KRTAP21-2: variants seen among roughly 807,000 people sequenced by gnomAD.
The protein encoded by KRTAP21-2 is keratin-associated protein 21-2.
For missense variants in KRTAP21-2, 103 were observed against 101.2 expected (o/e 1.02, Z -0.08); for synonymous variants, 38 against 38.6 (o/e 0.98, Z 0.06).
At position 30,746,979 on chromosome 21, in the gene KRTAP21-2, T is replaced by C. The variant is rs1447091858; in HGVS notation, c.224A>G (p.Tyr75Cys). The change falls in exon 1 of 1, where the codon TAC (tyrosine) becomes TGC (cysteine). Residue 75 changes from tyrosine (Y) to cysteine (C), a missense_variant. Tyr to Cys is a radical substitution (Grantham distance 194). Transcript: ENST00000333892. Reference protein sequence around the residue: ...SSCCGYRPLCYRRCYSSCY With the variant: ...SSCCGYRPLCCRRCYSSCY ...GTAGCAAGAGGAATAGCATCTTCTG[T>C]AGCAAAGTGGTCGGTAGCCACAGCA... 3 of 1,613,766 alleles carry C rather than the reference T, an allele frequency of 1.9e-6. No homozygotes were observed. The highest frequency in any genetic ancestry group is 1.3e-5 in the African/African-American group (1 of 74,882).
In KRTAP21-2 at chr21:30,747,259, T is replaced by C. The variant is rs753985310; in HGVS notation, c.-57A>G. 6.4e-7 allele frequency: 1 copy of C among 1,552,974 alleles called. No homozygotes were observed. Among genetic ancestry groups the C allele is most frequent in the Non-Finnish European group, 8.8e-7 (1 of 1,135,588 alleles). ...TAGGAGGATATTTCTGAAGTGTGACTGTCCTCTACTCTTCTAAGACCTTTA... is the reference window on the plus strand; with the variant it reads ...TAGGAGGATATTTCTGAAGTGTGACCGTCCTCTACTCTTCTAAGACCTTTA... On this transcript the variant is annotated 5_prime_UTR_variant, in exon 1 of 1. Coordinates refer to ENST00000333892, the MANE Select transcript of KRTAP21-2 (RefSeq NM_181617.3).
rs1233182705 is a variant in KRTAP21-2 at position 30,746,874 on chromosome 21, T to C, written c.*77A>G. On this transcript the variant is annotated 3_prime_UTR_variant, in exon 1 of 1. Transcript: ENST00000333892. ...GTCAACCTTTACTTAGATGTGAAGA[T>C]AATGGGTAGGGGAGATTTCAATTGA... 4 of 1,503,974 alleles carry C rather than the reference T, an allele frequency of 2.7e-6. No homozygotes were observed. The Admixed American group carries it at 5.7e-5, about 22-fold the overall frequency. 93.2% of individuals were successfully genotyped at this position (1,503,974 alleles called of 1,614,324 possible).
Position 30,746,949 on chromosome 21 carries a change from G to T in KRTAP21-2, c.*2C>A, listed in dbSNP as rs776340378. 1 of 1,611,834 alleles carries T rather than the reference G, an allele frequency of 6.2e-7. No homozygotes were observed. The highest frequency in any genetic ancestry group is 8.5e-7 in the Non-Finnish European group (1 of 1,178,296). On this transcript the variant is annotated 3_prime_UTR_variant, in exon 1 of 1. Transcript: ENST00000333892. ...AAAGCCAAGGATGACCTGTAGTGAT[G>T]ATTAGTAGCAAGAGGAATAGCATCT... is the stretch of plus-strand genomic sequence containing the variant.
rs1304005093 is a variant in KRTAP21-2 at position 30,746,826 on chromosome 21, A to G, written c.*125T>C. The G allele has an allele frequency of 9.8e-6, 11 of 1,126,946 alleles. No homozygotes were observed. Among genetic ancestry groups the G allele is most frequent in the Non-Finnish European group, 1.4e-5 (11 of 790,736 alleles). The allele number at this position is 1,126,946 out of a possible 1,614,324, so 69.8% of individuals were successfully genotyped here. On this transcript the variant is annotated 3_prime_UTR_variant, in exon 1 of 1. Transcript: ENST00000333892. The stretch of plus-strand genomic sequence containing the variant: ...ACTGCCAACAGCTTCTCTTATATGC[A>G]TTCAGATAGTCAGGTGACCATAGTC...
In KRTAP21-2 at chr21:30,747,153, GAGCCATATCCAC is replaced by G; in HGVS notation, c.38_49del (p.Cys13_Gly16del). The G allele has an allele frequency of 6.2e-7, 1 of 1,613,974 alleles. No individual in the cohort carries two copies. Among genetic ancestry groups the G allele is most frequent in the Non-Finnish European group, 8.5e-7 (1 of 1,179,974 alleles). On this transcript the variant is annotated inframe_deletion, in exon 1 of 1. Transcript: ENST00000333892. ...ATATCCACAGCCGGAACTCCAGCCA[GAGCCATATCCAC>G]AGCCCCCACAGCAGTTTCTGTAGTA...
Position 30,746,852 on chromosome 21 carries a change from A to G in KRTAP21-2, c.*99T>C. 7.1e-7 allele frequency: 1 copy of G among 1,399,340 alleles called. No individual in the cohort carries two copies. Among genetic ancestry groups the G allele is most frequent in the Admixed American group, 2.1e-5 (1 of 48,214 alleles). The allele number at this position is 1,399,340 out of a possible 1,614,324, so 86.7% of individuals were successfully genotyped here. A position where few individuals can be genotyped will look rare whatever the true frequency, so the allele number is the denominator to read the frequency against. Reference sequence around the variant, plus strand: ...TTCAGATAGTCAGGTGACCATAGTCAACCTTTACTTAGATGTGAAGATAAT... The same window carrying G: ...TTCAGATAGTCAGGTGACCATAGTCGACCTTTACTTAGATGTGAAGATAAT... On this transcript the variant is annotated 3_prime_UTR_variant, in exon 1 of 1. Coordinates refer to ENST00000333892, the MANE Select transcript of KRTAP21-2 (RefSeq NM_181617.3).
chr21:30,747,103 C>T lies in KRTAP21-2; in HGVS notation c.100G>A (p.Gly34Ser), dbSNP rs754302660. 1.2e-5 allele frequency: 20 copies of T among 1,613,714 alleles called. 1 individual carries two copies. The highest frequency in any genetic ancestry group is 8.9e-5 in the East Asian group (4 of 44,850). Residue 34 changes from glycine (G) to serine (S), a missense_variant, in exon 1 of 1, where the codon GGC becomes AGC. Gly to Ser is a moderately conservative substitution (Grantham distance 56, BLOSUM62 0). Transcript: ENST00000333892. The part of the protein sequence containing the change: ...GYGCGYGCGY[G>S]SGCRYGSGYG... ...CCAGAGCCATATCTACAGCCAGAGC[C>T]GTATCCACAGCCATAGCCACAACCA...
In KRTAP21-2 at chr21:30,746,822, A is replaced by G. The variant is rs1983622324; in HGVS notation, c.*129T>C. On this transcript the variant is annotated 3_prime_UTR_variant, in exon 1 of 1. Coordinates refer to ENST00000333892, the MANE Select transcript of KRTAP21-2 (RefSeq NM_181617.3). The stretch of plus-strand genomic sequence containing the variant: ...ATCCACTGCCAACAGCTTCTCTTAT[A>G]TGCATTCAGATAGTCAGGTGACCAT... 9.7e-7 allele frequency: 1 copy of G among 1,032,904 alleles called. No individual in the cohort carries two copies. The highest frequency in any genetic ancestry group is 1.6e-5 in the South Asian group (1 of 60,690). 64.0% of individuals were successfully genotyped at this position (1,032,904 alleles called of 1,614,324 possible). A position where few individuals can be genotyped will look rare whatever the true frequency, so the allele number is the denominator to read the frequency against.
chr21:30,746,987 T>C lies in KRTAP21-2; in HGVS notation c.216A>G (p.Pro72=), dbSNP rs1232392848. 1 of 1,613,800 alleles carries C rather than the reference T, an allele frequency of 6.2e-7. No homozygotes were observed. Among genetic ancestry groups the C allele is most frequent in the Non-Finnish European group, 8.5e-7 (1 of 1,179,916 alleles). ...AGGAATAGCATCTTCTGTAGCAAAGTGGTCGGTAGCCACAGCAGCTAGAGC... is the reference window on the plus strand; with the variant it reads ...AGGAATAGCATCTTCTGTAGCAAAGCGGTCGGTAGCCACAGCAGCTAGAGC... ...GYSSSCCGYR[P]LCYRRCYSSC... is the part of the protein sequence containing the mutation. Residue 72 remains proline, a synonymous_variant, in exon 1 of 1, where the codon CCA becomes CCG. Transcript: ENST00000333892.
Position 30,747,136 on chromosome 21 carries a change from A to G in KRTAP21-2, c.67T>C (p.Cys23Arg). ...CGYGSGWSSGCGYGCGYGCGY... is the reference protein window; with the variant it reads ...CGYGSGWSSGRGYGCGYGCGY... Reference sequence around the variant, plus strand: ...CAGCCATAGCCACAACCATATCCACAGCCGGAACTCCAGCCAGAGCCATAT... The same window carrying G: ...CAGCCATAGCCACAACCATATCCACGGCCGGAACTCCAGCCAGAGCCATAT... Residue 23 changes from cysteine to arginine, a missense_variant, in exon 1 of 1, where the codon TGT becomes CGT. By Grantham distance (180) the Cys-to-Arg change is radical (BLOSUM62 -3). Transcript: ENST00000333892. 1 of 1,613,940 alleles carries G rather than the reference A, an allele frequency of 6.2e-7. No homozygotes were observed. The highest frequency in any genetic ancestry group is 1.3e-5 in the African/African-American group (1 of 75,024).
At position 30,746,957 on chromosome 21, in the gene KRTAP21-2, G is replaced by A. The variant is rs764841095; in HGVS notation, c.246C>T (p.Cys82=). The A allele has an allele frequency of 6.2e-7, 1 of 1,612,578 alleles. No homozygotes were observed. Among genetic ancestry groups the A allele is most frequent in the Non-Finnish European group, 8.5e-7 (1 of 1,178,810 alleles). ...PLCYRRCYSS[C]Y is the part of the protein sequence containing the mutation. ...GGATGACCTGTAGTGATGATTAGTAGCAAGAGGAATAGCATCTTCTGTAGC... is the reference window on the plus strand; with the variant it reads ...GGATGACCTGTAGTGATGATTAGTAACAAGAGGAATAGCATCTTCTGTAGC... The change falls in exon 1 of 1, where the codon TGC becomes TGT. Residue 82 remains cysteine (C), a synonymous_variant. Transcript: ENST00000333892.
In KRTAP21-2 at chr21:30,747,214, G is replaced by T. The variant is rs765650513; in HGVS notation, c.-12C>A. ...TAGTTGCAACACATGATTTCAGGAG[G>T]TTAGATTTCAGTTGAGGTGTAGGAG... On this transcript the variant is annotated 5_prime_UTR_variant, in exon 1 of 1. Transcript: ENST00000333892. The T allele has an allele frequency of 6.2e-7, 1 of 1,610,142 alleles. No individual in the cohort carries two copies. The highest frequency in any genetic ancestry group is 1.1e-5 in the South Asian group (1 of 90,916).
Position 30,747,060 on chromosome 21 carries a change from C to T in KRTAP21-2, c.143G>A (p.Gly48Asp), listed in dbSNP as rs2123715148. Residue 48 changes from glycine (G) to aspartate (D), a missense_variant, in exon 1 of 1, where the codon GGC (glycine) becomes GAC (aspartate). By Grantham distance (94) the Gly-to-Asp change is moderately conservative. Transcript: ENST00000333892. ...GCCAGAGCCGTATCCACAGCCATAGCCACAGCCAGTTCCATAGCCAGAGCC... is the reference window on the plus strand; with the variant it reads ...GCCAGAGCCGTATCCACAGCCATAGTCACAGCCAGTTCCATAGCCAGAGCC... ...RYGSGYGTGCGYGCGYGSGCG... is the reference protein window; with the variant it reads ...RYGSGYGTGCDYGCGYGSGCG... The T allele has an allele frequency of 6.2e-7, 1 of 1,614,054 alleles. No homozygotes were observed. Among genetic ancestry groups the T allele is most frequent in the Non-Finnish European group, 8.5e-7 (1 of 1,179,980 alleles).
Position 30,747,029 on chromosome 21 carries a change from T to A in KRTAP21-2, c.174A>T (p.Gly58=). The A allele has an allele frequency of 2.5e-6, 4 of 1,613,228 alleles. No homozygotes were observed. The South Asian group carries it at 4.4e-5, about 18-fold the overall frequency. Residue 58 remains glycine (G), a synonymous_variant, in exon 1 of 1, where the codon GGA becomes GGT. Transcript: ENST00000333892. The stretch of plus-strand genomic sequence containing the variant: ...AGCTAGAGCTGTATCCACAGCCATA[T>A]CCACAGCCAGAGCCGTATCCACAGC... ...GYGCGYGSGC[G]YGCGYSSSCC...
rs1198735815 is a variant in KRTAP21-2, at chr21:30,746,917, T to G, written c.*34A>C. 1 of 1,587,852 alleles carries G rather than the reference T, an allele frequency of 6.3e-7. No individual in the cohort carries two copies. Among genetic ancestry groups the G allele is most frequent in the African/African-American group, 1.3e-5 (1 of 74,480 alleles). ...TCAATTGAACTTGATCTTGGAGAGGTCATTGCAAAGCCAAGGATGACCTGT... is the reference window on the plus strand; with the variant it reads ...TCAATTGAACTTGATCTTGGAGAGGGCATTGCAAAGCCAAGGATGACCTGT... On this transcript the variant is annotated 3_prime_UTR_variant, in exon 1 of 1. Transcript: ENST00000333892.
At position 30,747,229 on chromosome 21, in the gene KRTAP21-2, A is replaced by C; in HGVS notation, c.-27T>G. On this transcript the variant is annotated 5_prime_UTR_variant, in exon 1 of 1. Coordinates refer to ENST00000333892, the MANE Select transcript of KRTAP21-2 (RefSeq NM_181617.3). Reference sequence around the variant, plus strand: ...ATTTCAGGAGGTTAGATTTCAGTTGAGGTGTAGGAGGATATTTCTGAAGTG... The same window carrying C: ...ATTTCAGGAGGTTAGATTTCAGTTGCGGTGTAGGAGGATATTTCTGAAGTG... 1.2e-6 allele frequency: 2 copies of C among 1,602,958 alleles called. No individual in the cohort carries two copies. The highest frequency in any genetic ancestry group is 8.5e-7 in the Non-Finnish European group (1 of 1,172,216).
rs1332067536 is a variant in KRTAP21-2, at chr21:30,746,823, T to G, written c.*128A>C. On this transcript the variant is annotated 3_prime_UTR_variant, in exon 1 of 1. Coordinates refer to ENST00000333892, the MANE Select transcript of KRTAP21-2 (RefSeq NM_181617.3). ...TCCACTGCCAACAGCTTCTCTTATATGCATTCAGATAGTCAGGTGACCATA... is the reference window on the plus strand; with the variant it reads ...TCCACTGCCAACAGCTTCTCTTATAGGCATTCAGATAGTCAGGTGACCATA... The G allele has an allele frequency of 1.9e-6, 2 of 1,047,888 alleles. No individual in the cohort carries two copies. The highest frequency in any genetic ancestry group is 2.8e-6 in the Non-Finnish European group (2 of 720,970). The allele number at this position is 1,047,888 out of a possible 1,614,324, so 64.9% of individuals were successfully genotyped here. A position where few individuals can be genotyped will look rare whatever the true frequency, so the allele number is the denominator to read the frequency against.
chr21:30,747,190 A>T lies in KRTAP21-2; in HGVS notation c.13T>A (p.Tyr5Asn). ...CAGCCCCCACAGCAGTTTCTGTAGT[A>T]GTTGCAACACATGATTTCAGGAGGT... MCCN[Y>N]YRNCCGGCGY... is the part of the protein sequence containing the mutation. Residue 5 changes from tyrosine to asparagine, a missense_variant, in exon 1 of 1, where the codon TAC becomes AAC. Coordinates refer to ENST00000333892, the MANE Select transcript of KRTAP21-2 (RefSeq NM_181617.3). 1.2e-6 allele frequency: 2 copies of T among 1,613,304 alleles called. No individual in the cohort carries two copies. The highest frequency in any genetic ancestry group is 1.7e-6 in the Non-Finnish European group (2 of 1,179,348).
chr21:30,747,236 G>T lies in KRTAP21-2; in HGVS notation c.-34C>A. ...GAGGTTAGATTTCAGTTGAGGTGTAGGAGGATATTTCTGAAGTGTGACTGT... is the reference window on the plus strand; with the variant it reads ...GAGGTTAGATTTCAGTTGAGGTGTATGAGGATATTTCTGAAGTGTGACTGT... On this transcript the variant is annotated 5_prime_UTR_variant, in exon 1 of 1. Coordinates refer to ENST00000333892, the MANE Select transcript of KRTAP21-2 (RefSeq NM_181617.3). 3.7e-6 allele frequency: 6 copies of T among 1,600,438 alleles called. No homozygotes were observed. In the South Asian group the frequency reaches 6.7e-5, roughly 18 times the overall value.
Sources: gnomAD v4.1 joint callset for allele counts on GRCh38, gnomAD v4.1.1 for gene constraint, MANE v1.5 for transcripts, NCBI Gene and HGNC (gene_info 2026-07-23, HGNC 2026-07-21) for gene names.